CLVS1: variants seen among roughly 807,000 people sequenced by gnomAD.
The protein encoded by CLVS1 is clavesin-1.
CLVS1 carries 10 observed loss-of-function variants against 33.1 expected under a neutral mutation model. That is an observed-to-expected ratio of 0.30 (90% CI 0.19 to 0.51). The LOEUF is 0.51. CLVS1 is among the 20% of genes least tolerant of loss of function. The pLI, the probability that CLVS1 is intolerant of heterozygous loss-of-function variation, is 0.97. For missense variants in CLVS1, 343 were observed against 433.4 expected (o/e 0.79, Z 1.85); for synonymous variants, 163 against 166.1 (o/e 0.98, Z 0.14).
chr8:61,484,529 T>C (rs1329928675), intron 5 of CLVS1, among the ~76,000 whole-genome samples: 3 of 152,194 alleles, frequency 2.0e-5, no homozygotes, highest in South Asian at 2.1e-4. Flanking sequence ...CAAGGTAATT[T>C]ACAGATTCAA....
At chr8:61,213,851 G>A (rs1808026322) in intron 2 of CLVS1, among the ~76,000 whole-genome samples, 3 of 152,186 alleles carry the variant, frequency 2.0e-5, no homozygotes, top group Admixed American at 2.0e-4. Flanking sequence ...GGTGAGCCGG[G>A]TGGAACAGAG....
At chr8:60,983,747 C>T in the CLVS1 span, among the ~76,000 whole-genome samples, 13 of 152,290 alleles carry the variant, frequency 8.5e-5, no homozygotes, top group South Asian at 4.1e-4. Context: ...TCTGCTGTTA[C>T]GTAATTGTGC....
At chr8:61,262,781 A>G (rs1809232674) in intron 2 of CLVS1, among the ~76,000 whole-genome samples, 1 of 151,884 alleles carries the variant, frequency 6.6e-6, no homozygotes. Flanking sequence ...GGATGCTCCC[A>G]CCCTCCCTGT....
rs756929941 is a variant in CLVS1, at chr8:61,122,997, C to T, written c.-242-8773C>T. Among the ~76,000 whole-genome samples the T allele has an allele frequency of 1.3e-4, 19 of 144,204 alleles. 4 individuals carry two copies. Among genetic ancestry groups the T allele is most frequent in the Non-Finnish European group, 2.1e-4 (14 of 65,306 alleles). The allele number at this position is 144,204 out of a possible 152,430, so 94.6% of individuals were successfully genotyped here. A position where few individuals can be genotyped will look rare whatever the true frequency, so the allele number is the denominator to read the frequency against. On this transcript the variant is annotated intron_variant, in intron 1 of 2. Transcript: ENST00000522621. Reference sequence around the variant, plus strand: ...TAAAAAGTCTCATAGTGGCCAGGCACGGTGGCTCACACCTGTAATCCCAGC... The same window carrying T: ...TAAAAAGTCTCATAGTGGCCAGGCATGGTGGCTCACACCTGTAATCCCAGC...
intron 2 of CLVS1, among the ~76,000 whole-genome samples, chr8:61,263,419 T>C (rs1809245925): frequency 6.6e-6 from 1 of 152,238 alleles, no homozygotes; most frequent in African/African-American, 2.4e-5. Context: ...TGAGAATTCA[T>C]GTTTAGCAAA....
intron 2 of CLVS1, among the ~76,000 whole-genome samples, chr8:61,231,194 G>C (rs1291713437): frequency 1.3e-5 from 2 of 152,122 alleles, no homozygotes; most frequent in Admixed American, 6.5e-5. Flanking sequence ...ACCCATGAGA[G>C]AGTCTGCTGC....
chr8:61,345,595 T>C (rs1218622127), intron 2 of CLVS1, among the ~76,000 whole-genome samples: 1 of 151,926 alleles, frequency 6.6e-6, no homozygotes, highest in Non-Finnish European at 1.5e-5. Context: ...TGCTCTTTTC[T>C]TTCTTCCTTG....
chr8:61,104,763 T>C (rs1805504609), intron 1 of CLVS1, among the ~76,000 whole-genome samples: 1 of 152,222 alleles, frequency 6.6e-6, no homozygotes, highest in Non-Finnish European at 1.5e-5. Flanking sequence ...GTGATCCTCC[T>C]GTCTCAGTCT....
At chr8:61,469,206 A>C (rs1204113831) in intron 5 of CLVS1, among the ~76,000 whole-genome samples, 1 of 152,230 alleles carries the variant, frequency 6.6e-6, no homozygotes, top group Non-Finnish European at 1.5e-5. Flanking sequence ...ACCTCCATGC[A>C]AAAAGTGACA....
chr8:61,288,258 A>AATCCCTCTGCACTCC (rs765136102), intron 1 of CLVS1, 120 bp downstream of exon 1: 6 of 456,272 alleles, frequency 1.3e-5, no homozygotes, highest in South Asian at 3.1e-5. Flanking sequence ...TCCCATCTGC[A>AATCCCTCTGCACTCC]ATCCCTCTGC....
chr8:61,462,218 G>C (rs1210178869), intron 5 of CLVS1, among the ~76,000 whole-genome samples: 2 of 152,142 alleles, frequency 1.3e-5, no homozygotes, highest in African/African-American at 4.8e-5. Context: ...CTGTTAATGT[G>C]GATATTTTGA....
At chr8:61,271,005 T>G (rs376973864) in intron 2 of CLVS1, among the ~76,000 whole-genome samples, 178 of 146,614 alleles carry the variant, frequency 1.2e-3, no homozygotes, top group Non-Finnish European at 1.8e-3. Context: ...TTTTTGTGTC[T>G]CTATTTCCTT....
intron 2 of CLVS1, among the ~76,000 whole-genome samples, chr8:61,374,341 C>A (rs972526604): frequency 6.6e-6 from 1 of 152,112 alleles, no homozygotes; most frequent in African/African-American, 2.4e-5. Flanking sequence ...GTAAGCTTTA[C>A]CTTAGGCTTA....
chr8:61,203,046 C>T, intron 2 of CLVS1: 2 of 1,315,270 alleles, frequency 1.5e-6, no homozygotes, highest in Non-Finnish European at 2.2e-6. Context: ...AAAAAAACTC[C>T]TAAAACACCA....
chr8:61,156,405 T>C (rs1174919524), intron 2 of CLVS1, among the ~76,000 whole-genome samples: 2 of 152,136 alleles, frequency 1.3e-5, no homozygotes, highest in Non-Finnish European at 2.9e-5. Flanking sequence ...TCCATGTGCA[T>C]GTTAATAAAT....
chr8:61,301,919 C>A (rs1364086533), intron 2 of CLVS1, among the ~76,000 whole-genome samples: 3 of 152,174 alleles, frequency 2.0e-5, no homozygotes, highest in Non-Finnish European at 4.4e-5. Context: ...AATAATGAAT[C>A]AATTTCCAAA....
the CLVS1 span, among the ~76,000 whole-genome samples, chr8:60,991,646 T>C: frequency 6.6e-6 from 1 of 152,024 alleles, no homozygotes; most frequent in African/African-American, 2.4e-5. Context: ...ACTCTGAGAC[T>C]CTGAGCTCTG....
chr8:61,154,998 A>G (rs925430022), intron 2 of CLVS1, among the ~76,000 whole-genome samples: 1 of 152,130 alleles, frequency 6.6e-6, no homozygotes, highest in Non-Finnish European at 1.5e-5. Flanking sequence ...GCGTGTGTGC[A>G]TGTGTTTGTG....
chr8:61,394,267 G>C (rs1246698404), intron 3 of CLVS1, among the ~76,000 whole-genome samples: 1 of 152,136 alleles, frequency 6.6e-6, no homozygotes, highest in East Asian at 1.9e-4. Context: ...GCTTGAGTTG[G>C]TTGGCCCAGG....
Sources: allele counts gnomAD v4.1 joint callset (sites outside exome capture counted in the v4.1 genomes callset), GRCh38; gene constraint gnomAD v4.1.1; transcripts MANE v1.5; gene names NCBI Gene and HGNC (gene_info 2026-07-23, HGNC 2026-07-21).